Variants in ATP10A observed in about 807,000 individuals in gnomAD.
ATP10A encodes ATPase phospholipid transporting 10A (putative), also known as phospholipid-transporting ATPase VA.
Under a neutral mutation model 147.8 loss-of-function variants are expected in ATP10A, and 111 were observed. The observed-to-expected ratio is 0.75, with a 90% CI of 0.64 to 0.88. ATP10A has a LOEUF of 0.88. Among genes scored for constraint, ATP10A ranks in the 40% least tolerant of loss-of-function variants. The pLI is 0.00. For missense variants in ATP10A, 1,927 were observed against 1,959.0 expected, an observed-to-expected ratio of 0.98 and a Z score of 0.31; for synonymous variants, 875 against 841.6, an observed-to-expected ratio of 1.04 and a Z score of -0.69.
chr15:25,691,978 G>A (rs1486977067), intron 14 of ATP10A, among the ~76,000 whole-genome samples, 187 bp from the exon 15 acceptor site: 1 of 152,142 alleles, frequency 6.6e-6, no homozygotes, highest in Non-Finnish European at 1.5e-5. Context: ...GAATAAGCTA[G>A]CGACACCAGG....
chr15:25,709,041 C>T (rs4906621), intron 10 of ATP10A: 32,293 of 152,210 alleles, frequency 0.21, 3,846 homozygotes, highest in Non-Finnish European at 0.26. Flanking sequence ...ACATGCCTGA[C>T]CGTGCTGCAT....
intron 16 of ATP10A, among the ~76,000 whole-genome samples, chr15:25,684,403 C>CTCAGCCAATGCA (rs1045102602): frequency 1.3e-5 from 2 of 152,194 alleles, no homozygotes; most frequent in African/African-American, 4.8e-5. Flanking sequence ...ACCAATGATA[C>CTCAGCCAATGCA]TCAGCCAATG....
intron 1 of ATP10A, among the ~76,000 whole-genome samples, chr15:25,858,349 G>A (rs1235949590): frequency 6.6e-6 from 1 of 152,158 alleles, no homozygotes; most frequent in Admixed American, 6.5e-5. Flanking sequence ...CATTAAGAGG[G>A]AGGGATGGAG....
rs1887259620 is a variant in ATP10A at position 25,736,113 on chromosome 15, G to A, written c.683C>T (p.Thr228Ile). Reference protein sequence around the residue: ...LVSEFNPLTFTSVIECEKPNN... With the variant: ...LVSEFNPLTFISVIECEKPNN... Reference sequence around the variant, plus strand: ...TGGCTTCTCGCATTCGATCACGCTGGTGAACGTCAAAGGATTGAATTCGGA... The same window carrying A: ...TGGCTTCTCGCATTCGATCACGCTGATGAACGTCAAAGGATTGAATTCGGA... Residue 228 changes from threonine to isoleucine, a missense_variant, in exon 3 of 21, where the codon ACC becomes ATC. Transcript: ENST00000555815. 2 of 1,613,292 alleles carry A rather than the reference G, an allele frequency of 1.2e-6. No homozygotes were observed. Among genetic ancestry groups the A allele is most frequent in the South Asian group, 1.1e-5 (1 of 91,028 alleles).
At chr15:25,712,105 A>G (rs1901460000) in intron 10 of ATP10A, among the ~76,000 whole-genome samples, 1 of 152,168 alleles carries the variant, frequency 6.6e-6, no homozygotes, top group South Asian at 2.1e-4. Context: ...TAGGAGAGTG[A>G]GCAGGTCGTG....
At chr15:25,857,478 T>C (rs1304151853) in intron 1 of ATP10A, among the ~76,000 whole-genome samples, 1 of 152,078 alleles carries the variant, frequency 6.6e-6, no homozygotes, top group Non-Finnish European at 1.5e-5. Context: ...GGTATGATAA[T>C]GGTATTTATA....
chr15:25,811,175 G>A (rs1335884820), intron 1 of ATP10A, among the ~76,000 whole-genome samples: 1 of 152,234 alleles, frequency 6.6e-6, no homozygotes, highest in Non-Finnish European at 1.5e-5. Flanking sequence ...GGAGGGAGAA[G>A]TCAGTATCCA....
chr15:25,672,707 T>C (rs572598177), downstream of ATP10A, among the ~76,000 whole-genome samples: 4 of 152,340 alleles, frequency 2.6e-5, no homozygotes, highest in Non-Finnish European at 5.9e-5. Flanking sequence ...AGGTGCTATC[T>C]CACTGTGGTT....
rs77585437 is a variant in ATP10A, at chr15:25,775,163, A to G, written c.654+5856T>C. On this transcript the variant is annotated intron_variant, in intron 2 of 20. Coordinates refer to ENST00000555815, the MANE Select transcript of ATP10A (RefSeq NM_024490.4). ...GACTAACAACTTGAAAAGCTTAGGG[A>G]AAAAGAGACTTGGGTACAAAAACTA... is the stretch of plus-strand genomic sequence containing the variant. Among the ~76,000 whole-genome samples the G allele has an allele frequency of 2.9e-4, 44 of 152,360 alleles. No individual in the cohort carries two copies. The East Asian group carries it at 8.3e-3, about 29-fold the overall frequency.
chr15:25,858,508 T>G (rs1164475020), intron 1 of ATP10A, among the ~76,000 whole-genome samples: 1 of 152,200 alleles, frequency 6.6e-6, no homozygotes, highest in African/African-American at 2.4e-5. Context: ...AGGAGGACTT[T>G]GTTGAGTGAG....
chr15:25,773,805 C>G (rs1228917920), intron 2 of ATP10A, among the ~76,000 whole-genome samples: 1 of 138,354 alleles, frequency 7.2e-6, no homozygotes, highest in East Asian at 2.2e-4. Context: ...CACAAACATA[C>G]ACACCTAAAC....
Position 25,862,927 on chromosome 15 carries a change from T to G in ATP10A, c.170A>C (p.Gln57Pro), listed in dbSNP as rs1194343569. ...GERRRRRGCA[Q>P]HLADNRLKTT... ...CTTGAGCCGGTTGTCGGCCAGGTGC[T>G]GGGCACACCCGCGCCGCCGTCGCCG... The change falls in exon 1 of 21, where the codon CAG becomes CCG. Residue 57 changes from glutamine to proline, a missense_variant. Physicochemically the swap from Gln to Pro is moderately conservative, Grantham distance 76. Transcript: ENST00000555815. 5.0e-6 allele frequency: 8 copies of G among 1,591,694 alleles called. No individual in the cohort carries two copies. The highest frequency in any genetic ancestry group is 6.0e-6 in the Non-Finnish European group (7 of 1,171,612).
At chr15:25,730,265 G>A (rs1902884589) in intron 3 of ATP10A, among the ~76,000 whole-genome samples, 1 of 150,540 alleles carries the variant, frequency 6.6e-6, no homozygotes, top group Non-Finnish European at 1.5e-5. Flanking sequence ...TCGCGCCACT[G>A]CACTACAGCC....
Position 25,679,632 on chromosome 15 carries a change from C to T in ATP10A, c.4209G>A (p.Leu1403=). The change falls in exon 21 of 21, where the codon CTG becomes CTA. Residue 1403 remains leucine (L), a synonymous_variant. Transcript: ENST00000555815. ...CCTCAGGACACCCTCCTGGACTCCTCAGGACAGCCTCCCCTGGCGCAGAGG... is the reference window on the plus strand; with the variant it reads ...CCTCAGGACACCCTCCTGGACTCCTTAGGACAGCCTCCCCTGGCGCAGAGG... ...PMSSAPGEAV[L]RSPGGCPEES... is the part of the protein sequence containing the mutation. 6.2e-7 allele frequency: 1 copy of T among 1,613,356 alleles called. No individual in the cohort carries two copies. The highest frequency in any genetic ancestry group is 8.5e-7 in the Non-Finnish European group (1 of 1,179,948).
chr15:25,698,859 A>G (rs1900502420), intron 13 of ATP10A, among the ~76,000 whole-genome samples: 1 of 152,164 alleles, frequency 6.6e-6, no homozygotes, highest in Admixed American at 6.5e-5. Flanking sequence ...TAAGTTGAGG[A>G]GCATCAGTGC....
At position 25,745,179 on chromosome 15, in the gene ATP10A, A is replaced by G. The variant is rs139407575; in HGVS notation, c.655-9038T>C. ...CAACTCTACTAAAAATACAAAAATT[A>G]GCTGGGTGTGATGTCACGTGTCTGT... On this transcript the variant is annotated intron_variant, in intron 2 of 20. Transcript: ENST00000555815. Among the ~76,000 whole-genome samples, 62 of 152,196 alleles carry G rather than the reference A, an allele frequency of 4.1e-4. 1 individual carries two copies. In the East Asian group the frequency reaches 8.3e-3, roughly 20 times the overall value.
intron 1 of ATP10A, among the ~76,000 whole-genome samples, chr15:25,847,502 C>A (rs1893073818): frequency 6.6e-6 from 1 of 151,020 alleles, no homozygotes; most frequent in Admixed American, 6.6e-5. Flanking sequence ...TAAAAAGCAC[C>A]TTTTTTCCAC....
upstream of ATP10A, among the ~76,000 whole-genome samples, chr15:25,864,819 C>G (rs116864304): frequency 7.9e-5 from 12 of 152,224 alleles, no homozygotes; most frequent in East Asian, 2.3e-3. Context: ...TCCCATGGCT[C>G]CGTGTTTTCC....
intron 4 of ATP10A, among the ~76,000 whole-genome samples, chr15:25,726,897 CAAAA>C (rs57151119): frequency 2.8e-5 from 4 of 140,566 alleles, no homozygotes; most frequent in Non-Finnish European, 4.6e-5. Context: ...TAAAAAAATA[CAAAA>C]AAAAAAAAAG....
Sources: gnomAD v4.1 joint callset for allele counts (sites outside exome capture counted in the v4.1 genomes callset) on GRCh38, gnomAD v4.1.1 for gene constraint, MANE v1.5 for transcripts, NCBI Gene and HGNC (gene_info 2026-07-23, HGNC 2026-07-21) for gene names.